UACA: variants seen among roughly 807,000 people sequenced by gnomAD.
The protein encoded by UACA is nuclear membrane binding protein.
UACA carries 112 observed loss-of-function variants against 160.5 expected under a neutral mutation model. The observed-to-expected ratio is 0.70, with a 90% CI of 0.60 to 0.82. UACA has a LOEUF of 0.82. Ranked by LOEUF, UACA falls within the 40% of genes least tolerant of loss-of-function variation. The pLI, the probability that UACA is intolerant of heterozygous loss-of-function variation, is 0.00. For synonymous variants in UACA, 557 were observed against 568.4 expected, an observed-to-expected ratio of 0.98 and a Z score of 0.29; for missense variants, 1,574 against 1,614.6, an observed-to-expected ratio of 0.97 and a Z score of 0.43.
chr15:70,692,223 A>T (rs1042415438), intron 3 of UACA, among the ~76,000 whole-genome samples: 1 of 152,166 alleles, frequency 6.6e-6, no homozygotes, highest in Admixed American at 6.6e-5. Context: ...GCTAGTGTGC[A>T]GCCTCATAGC....
chr15:70,724,471 A>T (rs1899087553), intron 1 of UACA, among the ~76,000 whole-genome samples: 1 of 152,154 alleles, frequency 6.6e-6, no homozygotes, highest in Admixed American at 6.5e-5. Context: ...TTTTTTTTCA[A>T]ATTTTAGTAC....
At chr15:70,694,896 A>G in intron 3 of UACA, 121 bp downstream of exon 3, 5 of 847,158 alleles carry the variant, frequency 5.9e-6, no homozygotes, top group Non-Finnish European at 9.6e-6. Context: ...CAACTATTTT[A>G]AAAACAGAAA....
At chr15:70,745,804 A>C (rs1394297414) in intron 1 of UACA, among the ~76,000 whole-genome samples, 1 of 129,566 alleles carries the variant, frequency 7.7e-6, no homozygotes, top group Non-Finnish European at 1.7e-5. Context: ...CTGAAATAAC[A>C]CCACACATCT....
intron 1 of UACA, among the ~76,000 whole-genome samples, chr15:70,750,628 A>T (rs1318856078): frequency 6.6e-6 from 1 of 152,188 alleles, no homozygotes; most frequent in Non-Finnish European, 1.5e-5. Context: ...AAACTTCAAG[A>T]GGCTGAGATG....
At chr15:70,765,603 A>T (rs971858131), upstream of UACA, among the ~76,000 whole-genome samples, 1 of 152,240 alleles carries the variant, frequency 6.6e-6, no homozygotes, top group African/African-American at 2.4e-5. Flanking sequence ...AATAACTGAC[A>T]TATATTTGAA....
intron 1 of UACA, among the ~76,000 whole-genome samples, chr15:70,705,316 G>A (rs1387012569): frequency 6.6e-6 from 1 of 152,066 alleles, no homozygotes; most frequent in Non-Finnish European, 1.5e-5. Flanking sequence ...ATCACCTGAG[G>A]TCAGGAGCTC....
intron 18 of UACA, among the ~76,000 whole-genome samples, chr15:70,659,395 G>GTTTTTTTTTTTTTTTTT (rs71152307): frequency 0.024 from 457 of 18,838 alleles, 206 homozygotes; most frequent in East Asian, 0.034. Context: ...TTTTTTGTTT[G>GTTTTTTTTTTTTTTTTT]TTTTTTTTTT....
intron 16 of UACA, among the ~76,000 whole-genome samples, chr15:70,665,997 A>T (rs1896890588): frequency 6.6e-6 from 1 of 152,230 alleles, no homozygotes; most frequent in Non-Finnish European, 1.5e-5. Context: ...TACCATGAGA[A>T]TTAAAGCTAA....
chr15:70,745,351 C>T (rs958770473), intron 1 of UACA, among the ~76,000 whole-genome samples: 5 of 150,952 alleles, frequency 3.3e-5, no homozygotes, highest in Admixed American at 2.7e-4. Flanking sequence ...AGGAGAGTGG[C>T]GTGAACCCGG....
At chr15:70,673,051 G>A (rs754400693) in intron 13 of UACA, among the ~76,000 whole-genome samples, 31 of 152,228 alleles carry the variant, frequency 2.0e-4, no homozygotes, top group Non-Finnish European at 3.5e-4. Flanking sequence ...AGCCGAGATC[G>A]TGCCATTGCA....
intron 1 of UACA, among the ~76,000 whole-genome samples, 169 bp downstream of exon 1, chr15:70,763,161 G>A (rs981462425): frequency 6.6e-6 from 1 of 152,176 alleles, no homozygotes; most frequent in Admixed American, 6.5e-5. Context: ...GAGGATCCCC[G>A]GGGTCTCTGG....
intron 1 of UACA, among the ~76,000 whole-genome samples, chr15:70,726,146 A>G: frequency 6.6e-6 from 1 of 152,278 alleles, no homozygotes; most frequent in East Asian, 1.9e-4. Context: ...TCCAGCCCCT[A>G]AACCAGCTAT....
Position 70,696,072 on chromosome 15 carries a change from G to C in UACA, c.213-967C>G, listed in dbSNP as rs76170765. ...AAGTAAGTGCAATAACCATTCTAGA[G>C]ATGCCAGGAAACAAAAAATGTGAAA... On this transcript the variant is annotated intron_variant, in intron 2 of 18. Coordinates refer to ENST00000322954, the MANE Select transcript of UACA (RefSeq NM_018003.4). Among the ~76,000 whole-genome samples the C allele has an allele frequency of 5.7e-3, 865 of 152,200 alleles. 8 individuals carry two copies. The highest frequency in any genetic ancestry group is 0.02 in the African/African-American group (826 of 41,548).
At chr15:70,720,165 C>T (rs1413603986) in intron 1 of UACA, among the ~76,000 whole-genome samples, 1 of 152,164 alleles carries the variant, frequency 6.6e-6, no homozygotes, top group Non-Finnish European at 1.5e-5. Flanking sequence ...CCTGCTTCCC[C>T]TTCACCTTCT....
chr15:70,706,036 G>T (rs936735194), intron 1 of UACA, among the ~76,000 whole-genome samples: 1 of 151,776 alleles, frequency 6.6e-6, no homozygotes, highest in Non-Finnish European at 1.5e-5. Context: ...ACAATCAGAG[G>T]GCAAACCTAA....
chr15:70,661,857 A>C (rs1335418118), intron 17 of UACA, among the ~76,000 whole-genome samples: 2 of 152,188 alleles, frequency 1.3e-5, no homozygotes, highest in Non-Finnish European at 2.9e-5. Flanking sequence ...GATGGGACGT[A>C]TCTCAAAATA....
At chr15:70,773,049 A>AT in the UACA span, among the ~76,000 whole-genome samples, 3 of 151,988 alleles carry the variant, frequency 2.0e-5, no homozygotes, top group Admixed American at 2.0e-4. Flanking sequence ...TCATCTCAAA[A>AT]AAAAAAAAAG....
rs190540041 is a variant in UACA, at chr15:70,707,092, T to C, written c.79-7432A>G. On this transcript the variant is annotated intron_variant, in intron 1 of 18. Transcript: ENST00000322954. ...TCATAATGGCATAAAGACAGACATA[T>C]AGACCAGTGGAATAAAGTAAACAGC... Among the ~76,000 whole-genome samples the C allele has an allele frequency of 5.7e-3, 871 of 152,280 alleles. 31 individuals carry two copies. The highest frequency in any genetic ancestry group is 0.052 in the Admixed American group (797 of 15,300).
intron 1 of UACA, among the ~76,000 whole-genome samples, chr15:70,710,835 A>T (rs925659119): frequency 7.9e-5 from 12 of 152,328 alleles, no homozygotes; most frequent in African/African-American, 2.6e-4. Flanking sequence ...AGCAACCAGG[A>T]AGCTCTCTGA....
Sources: gnomAD v4.1 joint callset for allele counts (sites outside exome capture counted in the v4.1 genomes callset) on GRCh38, gnomAD v4.1.1 for gene constraint, MANE v1.5 for transcripts, NCBI Gene and HGNC (gene_info 2026-07-23, HGNC 2026-07-21) for gene names.